The following SUGCT variants were observed in gnomAD, a reference collection of about 807,000 sequenced individuals.
The protein encoded by SUGCT is succinyl-CoA:glutarate CoA-transferase.
Under a neutral mutation model 55.0 loss-of-function variants are expected in SUGCT, and 41 were observed. The observed-to-expected ratio is 0.74, with a 90% CI of 0.58 to 0.97. The LOEUF (loss-of-function observed/expected upper bound fraction) is 0.97. Ranked by LOEUF, SUGCT falls within the 50% of genes least tolerant of loss-of-function variation. The pLI is 0.00. For missense variants in SUGCT, 568 were observed against 547.8 expected, an observed-to-expected ratio of 1.04 and a Z score of -0.37; for synonymous variants, 187 against 200.4, an observed-to-expected ratio of 0.93 and a Z score of 0.56.
chr7:40,292,177 A>T (rs1028393574), intron 8 of SUGCT, among the ~76,000 whole-genome samples: 3 of 152,186 alleles, frequency 2.0e-5, no homozygotes, highest in African/African-American at 7.2e-5. Flanking sequence ...GAAGGTCTTT[A>T]TCAGTTCTGA....
intron 12 of SUGCT, among the ~76,000 whole-genome samples, chr7:40,660,491 T>G (rs1042973247): frequency 6.6e-6 from 1 of 152,162 alleles, no homozygotes; most frequent in Non-Finnish European, 1.5e-5. Flanking sequence ...ACTCCTGATC[T>G]CGTGATCTGC....
At chr7:40,942,559 G>T in the SUGCT span, among the ~76,000 whole-genome samples, 1 of 152,104 alleles carries the variant, frequency 6.6e-6, no homozygotes, top group Admixed American at 6.6e-5. Flanking sequence ...TTTTTGCAAT[G>T]AATATCTTAG....
the SUGCT span, among the ~76,000 whole-genome samples, chr7:40,898,066 G>C: frequency 1.3e-5 from 2 of 152,034 alleles, no homozygotes; most frequent in Non-Finnish European, 2.9e-5. Context: ...TTATTCCTTG[G>C]GTCCACGCTG....
At chr7:40,797,677 T>G (rs1467202001) in intron 13 of SUGCT, among the ~76,000 whole-genome samples, 1 of 152,226 alleles carries the variant, frequency 6.6e-6, no homozygotes, top group Non-Finnish European at 1.5e-5. Context: ...CCCACTTTAT[T>G]GTTATCAAAC....
At chr7:40,272,124 A>T (rs1792085345) in intron 7 of SUGCT, among the ~76,000 whole-genome samples, 1 of 115,622 alleles carries the variant, frequency 8.6e-6, no homozygotes, top group Non-Finnish European at 1.7e-5. Flanking sequence ...GATGTTTCAA[A>T]AACAACTGCA....
chr7:40,354,270 A>G (rs1029999834), intron 9 of SUGCT, among the ~76,000 whole-genome samples: 2 of 152,160 alleles, frequency 1.3e-5, no homozygotes, highest in Non-Finnish European at 2.9e-5. Context: ...CAGTGCTGAT[A>G]GTTCAGATTG....
At chr7:40,986,806 G>A in the SUGCT span, among the ~76,000 whole-genome samples, 1 of 151,958 alleles carries the variant, frequency 6.6e-6, no homozygotes, top group Non-Finnish European at 1.5e-5. Context: ...TTTAAATCAG[G>A]CCATTATGCA....
rs965740452 is a variant in SUGCT, at chr7:40,690,573, AT to A, written c.1090-58849del. 3.9e-3 allele frequency among the ~76,000 whole-genome samples: 569 copies of A among 146,306 alleles called. 1 individual carries two copies. The highest frequency in any genetic ancestry group is 0.011 in the African/African-American group (458 of 40,158). ...ATAGAGAGATCAATTCATCCCTATA[AT>A]TTTTTTTTTTTGAGACAAGGTGAAA... On this transcript the variant is annotated intron_variant, in intron 12 of 13. Coordinates refer to ENST00000335693, the MANE Select transcript of SUGCT (RefSeq NM_001193313.2).
At chr7:40,998,737 A>C in the SUGCT span, among the ~76,000 whole-genome samples, 2 of 152,180 alleles carry the variant, frequency 1.3e-5, no homozygotes, top group South Asian at 4.1e-4. Context: ...GTTGCTCTAC[A>C]ATGAGCTTCT....
At chr7:40,941,745 G>C in the SUGCT span, among the ~76,000 whole-genome samples, 18 of 152,184 alleles carry the variant, frequency 1.2e-4, no homozygotes, top group African/African-American at 4.1e-4. Context: ...AAATCTGGGA[G>C]CTCCAGAGTT....
In SUGCT at chr7:40,860,544, T is replaced by G. The variant is rs1794452650; in HGVS notation, c.*65T>G. 6.6e-7 allele frequency: 1 copy of G among 1,518,002 alleles called. No homozygotes were observed. Among genetic ancestry groups the G allele is most frequent in the South Asian group, 1.3e-5 (1 of 77,990 alleles). The allele number at this position is 1,518,002 out of a possible 1,614,324, so 94.0% of individuals were successfully genotyped here. A position where few individuals can be genotyped will look rare whatever the true frequency, so the allele number is the denominator to read the frequency against. On this transcript the variant is annotated 3_prime_UTR_variant, in exon 14 of 14. Transcript: ENST00000335693. ...ACACTGGCAAAGGCAACACTTTGCT[T>G]GGACCCTTCTCCCCAGTTCTGATAC...
At chr7:40,512,750 G>T (rs1562828639) in intron 12 of SUGCT, among the ~76,000 whole-genome samples, 1 of 152,028 alleles carries the variant, frequency 6.6e-6, no homozygotes, top group African/African-American at 2.4e-5. Context: ...GCATAGAAAT[G>T]GTAAGTGTGA....
intron 9 of SUGCT, among the ~76,000 whole-genome samples, chr7:40,433,504 A>G (rs755446319): frequency 3.0e-4 from 46 of 152,240 alleles, no homozygotes; most frequent in Non-Finnish European, 5.1e-4. Context: ...AGAGTTTATT[A>G]GTCTTTTGGT....
chr7:40,660,547 G>A lies in SUGCT; in HGVS notation c.1090-88887G>A, dbSNP rs538485502. Among the ~76,000 whole-genome samples, 9 of 152,200 alleles carry A rather than the reference G, an allele frequency of 5.9e-5. No homozygotes were observed. In the South Asian group the frequency reaches 8.3e-4, roughly 14 times the overall value. ...GCTGGGATTACAGGCTTGAGCCACC[G>A]TGCCCAGCCAGGAGGTTTTTATAGT... is the stretch of plus-strand genomic sequence containing the variant. On this transcript the variant is annotated intron_variant, in intron 12 of 13. Coordinates refer to ENST00000335693, the MANE Select transcript of SUGCT (RefSeq NM_001193313.2).
chr7:40,817,007 G>A (rs1345084444), intron 13 of SUGCT, among the ~76,000 whole-genome samples: 2 of 152,218 alleles, frequency 1.3e-5, no homozygotes, highest in African/African-American at 4.8e-5. Flanking sequence ...TGTCTGTAGT[G>A]TCTTTGGGGA....
At chr7:40,834,973 A>C (rs1371081204) in intron 13 of SUGCT, among the ~76,000 whole-genome samples, 1 of 152,186 alleles carries the variant, frequency 6.6e-6, no homozygotes, top group East Asian at 1.9e-4. Context: ...ATTAAAAAAA[A>C]AAATTGGGAC....
At chr7:40,366,084 G>C (rs570991419) in intron 9 of SUGCT, among the ~76,000 whole-genome samples, 1 of 152,256 alleles carries the variant, frequency 6.6e-6, no homozygotes, top group South Asian at 2.1e-4. Flanking sequence ...CAGTGGAACA[G>C]AACAGAGCCC....
At chr7:40,984,179 A>T in the SUGCT span, among the ~76,000 whole-genome samples, 6 of 152,268 alleles carry the variant, frequency 3.9e-5, no homozygotes, top group African/African-American at 1.4e-4. Flanking sequence ...GGTTCCTCCC[A>T]AATACGAAGA....
intron 13 of SUGCT, among the ~76,000 whole-genome samples, chr7:40,858,615 G>C (rs1794322085): frequency 6.6e-6 from 1 of 152,058 alleles, no homozygotes; most frequent in Admixed American, 6.5e-5. Context: ...GAACAGAGTT[G>C]GAGAGAGCAA....
Sources: allele counts gnomAD v4.1 joint callset (sites outside exome capture counted in the v4.1 genomes callset), GRCh38; gene constraint gnomAD v4.1.1; transcripts MANE v1.5; gene names NCBI Gene and HGNC (gene_info 2026-07-23, HGNC 2026-07-21).